CELF4: variants seen among roughly 807,000 people sequenced by gnomAD.
The protein encoded by CELF4 is CUGBP Elav-like family member 4.
CELF4 carries 18 observed loss-of-function variants against 59.9 expected under a neutral mutation model. That is an observed-to-expected ratio of 0.30 (90% CI 0.21 to 0.45). The LOEUF is 0.45. CELF4 is among the 20% of genes least tolerant of loss of function. CELF4 has a pLI of 1.00. For missense variants in CELF4, 456 were observed against 689.0 expected (o/e 0.66, Z 3.79); for synonymous variants, 261 against 267.1 (o/e 0.98, Z 0.22).
chr18:37,387,404 C>A (rs984887787), intron 2 of CELF4, among the ~76,000 whole-genome samples: 1 of 152,226 alleles, frequency 6.6e-6, no homozygotes, highest in Admixed American at 6.5e-5. Flanking sequence ...TACCCAGAAC[C>A]ACACGCAGCC....
intron 6 of CELF4, 76 bp downstream of exon 6, chr18:37,274,235 C>G (rs1027247647): frequency 8.2e-6 from 13 of 1,583,206 alleles, no homozygotes; most frequent in Non-Finnish European, 1.1e-5. Flanking sequence ...GTAGTATTTT[C>G]GGTTTCATGT....
intron 3 of CELF4, among the ~76,000 whole-genome samples, chr18:37,301,626 A>G (rs1233382544): frequency 6.6e-6 from 1 of 152,076 alleles, no homozygotes; most frequent in Non-Finnish European, 1.5e-5. Flanking sequence ...GCCCTTCCTC[A>G]GGTTCCATGA....
At chr18:37,512,274 G>A (rs1348096823) in intron 1 of CELF4, among the ~76,000 whole-genome samples, 1 of 152,178 alleles carries the variant, frequency 6.6e-6, no homozygotes, top group Non-Finnish European at 1.5e-5. Context: ...ATGTCCATGT[G>A]CTGAGCGTGA....
chr18:37,503,153 T>C (rs939514128), intron 1 of CELF4, among the ~76,000 whole-genome samples: 1 of 152,174 alleles, frequency 6.6e-6, no homozygotes, highest in Non-Finnish European at 1.5e-5. Context: ...TGTGTGTGTG[T>C]CTAAAGGCCA....
chr18:37,394,329 C>T (rs1008203145), intron 2 of CELF4, among the ~76,000 whole-genome samples: 1 of 152,206 alleles, frequency 6.6e-6, no homozygotes, highest in Admixed American at 6.5e-5. Context: ...GGCTTCTCCC[C>T]TCCTGCTCGC....
intron 2 of CELF4, among the ~76,000 whole-genome samples, chr18:37,462,979 C>T (rs921502578): frequency 6.6e-6 from 1 of 152,148 alleles, no homozygotes; most frequent in Non-Finnish European, 1.5e-5. Flanking sequence ...TGCCTGAGTT[C>T]TCTGTTGAGC....
intron 1 of CELF4, among the ~76,000 whole-genome samples, chr18:37,526,614 C>T (rs564828827): frequency 1.3e-5 from 2 of 152,298 alleles, no homozygotes; most frequent in South Asian, 2.1e-4. Context: ...TTAATGGAAC[C>T]GTTGAAGGCA....
chr18:37,370,822 C>G (rs777950583), intron 2 of CELF4, among the ~76,000 whole-genome samples: 8 of 152,176 alleles, frequency 5.3e-5, no homozygotes, highest in African/African-American at 1.9e-4. Context: ...GCTAACCACT[C>G]TCCTCTGAAC....
intron 6 of CELF4, 57 bp from the exon 7 acceptor site, chr18:37,273,220 A>T: frequency 6.4e-7 from 1 of 1,571,424 alleles, no homozygotes; most frequent in Admixed American, 1.7e-5. Flanking sequence ...TCCCTCCCCG[A>T]CAGGGGCCTC....
intron 2 of CELF4, among the ~76,000 whole-genome samples, chr18:37,433,565 A>C (rs1215830247): frequency 1.3e-5 from 2 of 152,044 alleles, no homozygotes; most frequent in Non-Finnish European, 2.9e-5. Flanking sequence ...TTTTCGTTTG[A>C]GCTTTTGTTT....
intron 2 of CELF4, among the ~76,000 whole-genome samples, chr18:37,353,233 A>AAAT (rs71168258): frequency 0.045 from 4,769 of 106,890 alleles, 254 homozygotes; most frequent in African/African-American, 0.12. Flanking sequence ...AAAAAAAAAA[A>AAAT]ATATATATAT....
intron 1 of CELF4, among the ~76,000 whole-genome samples, chr18:37,499,440 T>A (rs547845270): frequency 6.6e-6 from 1 of 152,262 alleles, no homozygotes; most frequent in South Asian, 2.1e-4. Flanking sequence ...GAGGCAGATC[T>A]CCACACAGGA....
At chr18:37,542,440 G>C (rs1276578645) in intron 1 of CELF4, among the ~76,000 whole-genome samples, 1 of 152,154 alleles carries the variant, frequency 6.6e-6, no homozygotes, top group African/African-American at 2.4e-5. Context: ...CCCTGGATGT[G>C]GGTACTTAAC....
intron 2 of CELF4, among the ~76,000 whole-genome samples, chr18:37,382,299 T>C (rs1022336304): frequency 1.1e-4 from 17 of 152,172 alleles, no homozygotes; most frequent in Non-Finnish European, 2.2e-4. Flanking sequence ...GCAGTTTGGC[T>C]CTTGAGCATG....
rs2061491360 is a variant in CELF4, at chr18:37,244,825, A to G, written c.*417T>C. ...CCAGGCCCCACGCACCACTTGCCCC[A>G]GCCTGCGTCAGGCGCCCGTGGGCTG... On this transcript the variant is annotated 3_prime_UTR_variant, in exon 13 of 13. Transcript: ENST00000420428. 6.6e-6 allele frequency: 1 copy of G among 152,624 alleles called. No individual in the cohort carries two copies. Among genetic ancestry groups the G allele is most frequent in the Non-Finnish European group, 1.5e-5 (1 of 68,022 alleles). The allele number at this position is 152,624 out of a possible 1,614,324, so 9.5% of individuals were successfully genotyped here.
intron 2 of CELF4, among the ~76,000 whole-genome samples, chr18:37,343,091 G>T (rs961365056): frequency 1.3e-5 from 2 of 152,222 alleles, no homozygotes; most frequent in African/African-American, 4.8e-5. Flanking sequence ...AATCGCTGGT[G>T]TGCTAAGAAC....
intron 2 of CELF4, among the ~76,000 whole-genome samples, chr18:37,362,153 C>T (rs940825933): frequency 5.9e-5 from 9 of 152,124 alleles, no homozygotes; most frequent in Admixed American, 2.0e-4. Context: ...CACCCTGACC[C>T]CCAGGGACAA....
intron 3 of CELF4, among the ~76,000 whole-genome samples, chr18:37,286,549 C>T (rs1295703509): frequency 6.6e-6 from 1 of 152,194 alleles, no homozygotes; most frequent in Non-Finnish European, 1.5e-5. Flanking sequence ...GCCGTGCAAA[C>T]CCCCTGCCCC....
intron 6 of CELF4, chr18:37,273,774 G>A (rs2092385233): frequency 1.0e-6 from 1 of 989,058 alleles, no homozygotes; most frequent in Non-Finnish European, 1.2e-6. Context: ...TTACCAGTCT[G>A]CAGGCAGCTC....
Sources: allele counts gnomAD v4.1 joint callset (sites outside exome capture counted in the v4.1 genomes callset), GRCh38; gene constraint gnomAD v4.1.1; transcripts MANE v1.5; gene names NCBI Gene and HGNC (gene_info 2026-07-23, HGNC 2026-07-21).